The following CYP19A1 variants were observed in gnomAD, a reference collection of about 807,000 sequenced individuals.
CYP19A1 encodes the protein cytochrome P450 family 19 subfamily A member 1, also known as aromatase.
A neutral mutation model predicts 44.4 loss-of-function variants in CYP19A1; 32 were observed. That is an observed-to-expected ratio of 0.72 (90% confidence interval 0.54 to 0.97). The LOEUF (loss-of-function observed/expected upper bound fraction) is 0.97, where lower values mean the gene tolerates loss of function less well. Among genes scored for constraint, CYP19A1 ranks in the 50% least tolerant of loss-of-function variants. CYP19A1 has a pLI of 0.00. For missense variants in CYP19A1, 598 were observed against 637.8 expected (o/e 0.94, Z 0.67); for synonymous variants, 212 against 215.6 (o/e 0.98, Z 0.14).
Position 51,254,623 on chromosome 15 carries a change from C to CT in CYP19A1, c.-38-11674dup, listed in dbSNP as rs1459157038. 2.6e-5 allele frequency among the ~76,000 whole-genome samples: 4 copies of CT among 152,194 alleles called. No homozygotes were observed. The East Asian group carries it at 7.7e-4, about 29-fold the overall frequency. On this transcript the variant is annotated intron_variant, in intron 1 of 9. Coordinates refer to ENST00000396402, the MANE Select transcript of CYP19A1 (RefSeq NM_000103.4). ...ATCTCTTTTCTCTTTGTGCTACATT[C>CT]TGGGATAATTCCTTGATTGACTCTC...
chr15:51,331,089 C>T (rs1320419776), intron 1 of CYP19A1, among the ~76,000 whole-genome samples: 2 of 152,126 alleles, frequency 1.3e-5, no homozygotes, highest in African/African-American at 4.8e-5. Context: ...TTCCTGTTTT[C>T]TCCACCACAA....
rs1555398466 is a variant in CYP19A1 at position 51,304,890 on chromosome 15, C to CA, written c.-39+33604_-39+33605insT. 2.5e-3 allele frequency among the ~76,000 whole-genome samples: 257 copies of CA among 104,562 alleles called. 2 individuals are homozygous for CA. The highest frequency in any genetic ancestry group is 0.01 in the Middle Eastern group (2 of 194). The allele number at this position is 104,562 out of a possible 152,430, so 68.6% of individuals were successfully genotyped here. On this transcript the variant is annotated intron_variant, in intron 1 of 9. Coordinates refer to ENST00000396402, the MANE Select transcript of CYP19A1 (RefSeq NM_000103.4). ...ATCCCTCAGGTAATTGTGTCTCTTC[C>CA]TTTTTTTTTTTTTTTTTTTTTTTTT...
intron 2 of CYP19A1, among the ~76,000 whole-genome samples, chr15:51,241,113 G>C (rs1339289373): frequency 6.6e-6 from 1 of 152,196 alleles, no homozygotes; most frequent in African/African-American, 2.4e-5. Flanking sequence ...GGATCAGCAT[G>C]ATGGCCCTGG....
At chr15:51,285,169 C>T (rs941327288) in intron 1 of CYP19A1, among the ~76,000 whole-genome samples, 1 of 152,296 alleles carries the variant, frequency 6.6e-6, no homozygotes, top group South Asian at 2.1e-4. Flanking sequence ...TGCCTCTCTA[C>T]CCTGAATACA....
chr15:51,211,794 T>C (rs891234058), intron 9 of CYP19A1: 2 of 309,592 alleles, frequency 6.5e-6, no homozygotes, highest in Non-Finnish European at 1.3e-5. Flanking sequence ...ACATCAATTA[T>C]AAAAAAAGAA....
intron 9 of CYP19A1, among the ~76,000 whole-genome samples, chr15:51,211,456 T>C (rs954586490): frequency 6.6e-6 from 1 of 152,238 alleles, no homozygotes; most frequent in Non-Finnish European, 1.5e-5. Context: ...GGATGTAGAT[T>C]CCTGGCCTAT....
At chr15:51,320,374 C>T (rs796339088) in intron 1 of CYP19A1, 30 of 152,470 alleles carry the variant, frequency 2.0e-4, no homozygotes, top group African/African-American at 7.0e-4. Flanking sequence ...GAAGTAAGCA[C>T]TGGAGAGAAC....
chr15:51,296,951 A>G (rs145546390), intron 1 of CYP19A1, among the ~76,000 whole-genome samples: 1 of 152,274 alleles, frequency 6.6e-6, no homozygotes, highest in East Asian at 1.9e-4. Context: ...AGGATTTACA[A>G]CCTCATGCCA....
intron 1 of CYP19A1, among the ~76,000 whole-genome samples, chr15:51,305,111 G>A (rs1447570740): frequency 6.6e-6 from 1 of 151,910 alleles, no homozygotes; most frequent in Non-Finnish European, 1.5e-5. Context: ...TATTGGCCAG[G>A]CTAGTCTCAA....
At chr15:51,248,271 T>G (rs556456277) in intron 1 of CYP19A1, among the ~76,000 whole-genome samples, 3 of 152,220 alleles carry the variant, frequency 2.0e-5, no homozygotes, top group East Asian at 1.9e-4. Flanking sequence ...ATGAGCCCAG[T>G]GGAGACTCCA....
intron 1 of CYP19A1, among the ~76,000 whole-genome samples, chr15:51,297,199 G>A (rs1739343953): frequency 6.6e-6 from 1 of 152,168 alleles, no homozygotes; most frequent in South Asian, 2.1e-4. Context: ...TTATTCTGAT[G>A]GAGCAGATTT....
chr15:51,278,903 G>C (rs2035420268), intron 1 of CYP19A1: 1 of 152,122 alleles, frequency 6.6e-6, no homozygotes, highest in African/African-American at 2.4e-5. Flanking sequence ...TCCCACATAG[G>C]GACATTTACA....
chr15:51,293,370 A>G (rs2035892019), intron 1 of CYP19A1, among the ~76,000 whole-genome samples: 1 of 152,242 alleles, frequency 6.6e-6, no homozygotes, highest in African/African-American at 2.4e-5. Flanking sequence ...ACTCCCTGGA[A>G]TGAGCCAGTT....
At chr15:51,232,607 T>C (rs1020253483) in intron 3 of CYP19A1, among the ~76,000 whole-genome samples, 2 of 152,206 alleles carry the variant, frequency 1.3e-5, no homozygotes, top group African/African-American at 4.8e-5. Context: ...GATGTCCCCA[T>C]TCAATGCAAA....
intron 1 of CYP19A1, among the ~76,000 whole-genome samples, chr15:51,280,349 T>C (rs1164189317): frequency 6.6e-6 from 1 of 151,598 alleles, no homozygotes; most frequent in Non-Finnish European, 1.5e-5. Flanking sequence ...CCACCCCCCT[T>C]GGCCTCCCAA....
At chr15:51,270,378 T>G in intron 1 of CYP19A1, among the ~76,000 whole-genome samples, 2 of 152,212 alleles carry the variant, frequency 1.3e-5, no homozygotes, top group East Asian at 3.8e-4. Flanking sequence ...CAAAAGCTTT[T>G]GGGGGATCCC....
chr15:51,223,777 G>C (rs964657523), intron 4 of CYP19A1, among the ~76,000 whole-genome samples: 3 of 152,142 alleles, frequency 2.0e-5, no homozygotes, highest in Non-Finnish European at 4.4e-5. Flanking sequence ...CTGACCATAG[G>C]AAGGACTTGG....
At chr15:51,281,179 C>G (rs985154638) in intron 1 of CYP19A1, among the ~76,000 whole-genome samples, 1 of 152,232 alleles carries the variant, frequency 6.6e-6, no homozygotes, top group African/African-American at 2.4e-5. Context: ...CCTTGCTACA[C>G]AGCCCCTTCT....
At chr15:51,337,200 G>A (rs62020108) in intron 1 of CYP19A1, among the ~76,000 whole-genome samples, 4,909 of 152,328 alleles carry the variant, frequency 0.032, 125 homozygotes, top group Non-Finnish European at 0.044. Flanking sequence ...TGAGAGGACA[G>A]TTAAGATAGG....
Sources: gnomAD v4.1 joint callset for allele counts (sites outside exome capture counted in the v4.1 genomes callset) on GRCh38, gnomAD v4.1.1 for gene constraint, MANE v1.5 for transcripts, NCBI Gene and HGNC (gene_info 2026-07-23, HGNC 2026-07-21) for gene names.